Variants in NTMT1 observed in about 807,000 individuals in gnomAD.
NTMT1 encodes the protein N-terminal RCC1 methyltransferase.
Under a neutral mutation model 17.5 loss-of-function variants are expected in NTMT1, and 8 were observed. That is an observed-to-expected ratio of 0.46 (90% CI 0.27 to 0.82). The LOEUF is 0.82. Among genes scored for constraint, NTMT1 ranks in the 40% least tolerant of loss-of-function variants. The pLI is 0.15. For missense variants in NTMT1, 221 were observed against 303.5 expected (o/e 0.73, Z 2.02); for synonymous variants, 128 against 126.8 (o/e 1.01, Z -0.06).
Position 129,632,634 on chromosome 9 carries a change from C to T in NTMT1, c.-54-16C>T. The T allele has an allele frequency of 1.3e-6, 2 of 1,586,180 alleles. No homozygotes were observed. Among genetic ancestry groups the T allele is most frequent in the Non-Finnish European group, 1.7e-6 (2 of 1,160,708 alleles). On this transcript the variant is annotated splice_polypyrimidine_tract_variant and intron_variant, in intron 1 of 3. Transcript: ENST00000372483. ...AGGTCCCTGGCCCGCTGACTCACGC[C>T]CCCTTCCTTACCCAGGAGAGTCGCG...
intron 1 of NTMT1, among the ~76,000 whole-genome samples, chr9:129,611,307 G>A (rs1290133540): frequency 1.3e-5 from 2 of 152,224 alleles, no homozygotes; most frequent in Admixed American, 6.5e-5. Context: ...ACAGCTTCAG[G>A]GAAAGAGGCG....
intron 3 of NTMT1, 74 bp from the exon 4 acceptor site, chr9:129,635,134 T>G: frequency 6.5e-7 from 1 of 1,536,522 alleles, no homozygotes; most frequent in Non-Finnish European, 8.8e-7. Context: ...TCAGCGGGGC[T>G]GAGAAGTACA....
At chr9:129,618,478 C>G (rs1201781537) in intron 1 of NTMT1, among the ~76,000 whole-genome samples, 1 of 152,002 alleles carries the variant, frequency 6.6e-6, no homozygotes, top group Non-Finnish European at 1.5e-5. Flanking sequence ...CTGAATAGAA[C>G]TGAACTATGA....
intron 1 of NTMT1, chr9:129,615,693 C>A: frequency 1.3e-6 from 2 of 1,486,566 alleles, no homozygotes; most frequent in South Asian, 2.7e-5. Context: ...CCCACCGTAC[C>A]CCAGCACACA....
intron 1 of NTMT1, chr9:129,615,538 C>T (rs779932522): frequency 5.6e-6 from 9 of 1,610,540 alleles, no homozygotes; most frequent in African/African-American, 1.3e-5. Flanking sequence ...GTCTCGTCAG[C>T]GAATCGCACC....
intron 1 of NTMT1, among the ~76,000 whole-genome samples, chr9:129,631,167 G>A (rs1022964537): frequency 9.9e-5 from 15 of 152,224 alleles, no homozygotes; most frequent in Non-Finnish European, 2.1e-4. Context: ...TCCTCCAGGC[G>A]GCTGCCCCTA....
At chr9:129,612,425 C>T in intron 1 of NTMT1, 2 of 1,612,682 alleles carry the variant, frequency 1.2e-6, no homozygotes, top group Non-Finnish European at 1.7e-6. Context: ...TCAGGACCGA[C>T]TGCAGCACCC....
In NTMT1 at chr9:129,620,538, G is replaced by T; in HGVS notation, c.-55+11360G>T. 1 of 1,428,784 alleles carries T rather than the reference G, an allele frequency of 7.0e-7. No individual in the cohort carries two copies. 88.5% of individuals were successfully genotyped at this position (1,428,784 alleles called of 1,614,324 possible). Reference sequence around the variant, plus strand: ...TCGCCAGGGAGCCCCTTGGGCGCCAGGTCCTGGGCCCCTGGGCGAAGTCGA... The same window carrying T: ...TCGCCAGGGAGCCCCTTGGGCGCCATGTCCTGGGCCCCTGGGCGAAGTCGA... On this transcript the variant is annotated intron_variant, in intron 1 of 3. Coordinates refer to the NTMT1 transcript ENST00000372486. This position sits in a 1 kb window ranked among gnomAD's most constrained non-coding sequence, Gnocchi z 5.8.
At position 129,634,143 on chromosome 9, in the gene NTMT1, C is replaced by G. The variant is rs770604040; in HGVS notation, c.252C>G (p.Phe84Leu). ...RITKRLLLPLFREVDMVDITE... is the reference protein window; with the variant it reads ...RITKRLLLPLLREVDMVDITE... Reference sequence around the variant, plus strand: ...CCAAGCGGCTGCTCCTGCCGCTGTTCAGAGAGGTGGATATGGTCGACATAA... The same window carrying G: ...CCAAGCGGCTGCTCCTGCCGCTGTTGAGAGAGGTGGATATGGTCGACATAA... The change falls in exon 3 of 4, where the codon TTC (phenylalanine) becomes TTG (leucine). Residue 84 changes from phenylalanine to leucine, a missense_variant. By Grantham distance (22) the Phe-to-Leu change is conservative. Coordinates refer to ENST00000372483, the MANE Select transcript of NTMT1 (RefSeq NM_014064.4). 2.5e-6 allele frequency: 4 copies of G among 1,614,138 alleles called. No individual in the cohort carries two copies. The highest frequency in any genetic ancestry group is 3.4e-6 in the Non-Finnish European group (4 of 1,180,014).
chr9:129,613,909 C>A lies in NTMT1; in HGVS notation c.-55+4731C>A, dbSNP rs573654878. Among the ~76,000 whole-genome samples, 32 of 152,304 alleles carry A rather than the reference C, an allele frequency of 2.1e-4. No homozygotes were observed. The South Asian group carries it at 6.6e-3, about 32-fold the overall frequency. ...GAAATCCCAGAAACCATGCTGAGAG[C>A]GTTGAGGGCTTCAGGGAGGGCTGTC... On this transcript the variant is annotated intron_variant, in intron 1 of 3. Coordinates refer to the NTMT1 transcript ENST00000372486. This position sits in a 1 kb window ranked among gnomAD's most constrained non-coding sequence, Gnocchi z 6.2.
rs117130395 is a variant in NTMT1 at position 129,609,760 on chromosome 9, G to C, written c.-55+582G>C. 8.3e-4 allele frequency among the ~76,000 whole-genome samples: 126 copies of C among 152,226 alleles called. 3 individuals carry two copies. In the East Asian group the frequency reaches 0.016, roughly 20 times the overall value. On this transcript the variant is annotated intron_variant, in intron 1 of 3. Transcript: ENST00000372486. ...TCCTCATCCCCTGTTCATGGTGGGGGACATGCTGGTGGACAGACAAGTGGC... is the reference window on the plus strand; with the variant it reads ...TCCTCATCCCCTGTTCATGGTGGGGCACATGCTGGTGGACAGACAAGTGGC...
chr9:129,617,142 A>G (rs1265212885), intron 1 of NTMT1, among the ~76,000 whole-genome samples: 1 of 152,208 alleles, frequency 6.6e-6, no homozygotes, highest in Non-Finnish European at 1.5e-5. Flanking sequence ...TAACTCTGTT[A>G]TGGAGGAAGG....
At position 129,620,077 on chromosome 9, in the gene NTMT1, C is replaced by T. The variant is rs1041034371; in HGVS notation, c.-55+10899C>T. 4.1e-6 allele frequency: 6 copies of T among 1,450,762 alleles called. No homozygotes were observed. Among genetic ancestry groups the T allele is most frequent in the Middle Eastern group, 1.8e-4 (1 of 5,434 alleles). 89.9% of individuals were successfully genotyped at this position (1,450,762 alleles called of 1,614,324 possible). On this transcript the variant is annotated intron_variant, in intron 1 of 3. Coordinates refer to the NTMT1 transcript ENST00000372486. The surrounding 1 kb of genome is among the most constrained non-coding windows in gnomAD (Gnocchi z 5.8). ...CCCGCGGGGCCTCACTCAGTGGCTC[C>T]GGCTCCTCGGCGCACTTCTCCTGGA...
At chr9:129,633,997 G>A (rs952235355) in intron 2 of NTMT1, 57 bp from the exon 3 acceptor site, 139 of 1,560,662 alleles carry the variant, frequency 8.9e-5, no homozygotes, top group Non-Finnish European at 1.1e-4. Context: ...TCGTGAGGAA[G>A]GGCCGCACGT....
chr9:129,628,112 C>G (rs1431856430), intron 1 of NTMT1, among the ~76,000 whole-genome samples: 1 of 152,216 alleles, frequency 6.6e-6, no homozygotes, highest in African/African-American at 2.4e-5. Flanking sequence ...TCCTGGCCCC[C>G]TCCCAGGCCC....
intron 2 of NTMT1, 153 bp downstream of exon 2, chr9:129,633,018 G>T: frequency 1.3e-6 from 1 of 762,102 alleles, no homozygotes. Context: ...TGGGCTGGGT[G>T]GGCACAGTGG....
At position 129,620,546 on chromosome 9, in the gene NTMT1, GCCCC is replaced by G; in HGVS notation, c.-55+11369_-55+11372del. ...GAGCCCCTTGGGCGCCAGGTCCTGGGCCCCTGGGCGAAGTCGACGCCAGAACATG... is the reference window on the plus strand; with the variant it reads ...GAGCCCCTTGGGCGCCAGGTCCTGGGTGGGCGAAGTCGACGCCAGAACATG... On this transcript the variant is annotated intron_variant, in intron 1 of 3. Coordinates refer to the NTMT1 transcript ENST00000372486. This position sits in a 1 kb window ranked among gnomAD's most constrained non-coding sequence, Gnocchi z 5.8. 2 of 1,403,044 alleles carry G rather than the reference GCCCC, an allele frequency of 1.4e-6. No individual in the cohort carries two copies. Among genetic ancestry groups the G allele is most frequent in the Non-Finnish European group, 1.9e-6 (2 of 1,075,554 alleles). The allele number at this position is 1,403,044 out of a possible 1,614,324, so 86.9% of individuals were successfully genotyped here. A position where few individuals can be genotyped will look rare whatever the true frequency, so the allele number is the denominator to read the frequency against.
chr9:129,618,779 G>A (rs900636299), intron 1 of NTMT1, among the ~76,000 whole-genome samples: 1 of 151,854 alleles, frequency 6.6e-6, no homozygotes, highest in African/African-American at 2.4e-5. Context: ...TGCAAGCTCC[G>A]CCTCCCGGGT....
chr9:129,625,688 A>T (rs1830862046), upstream of NTMT1, among the ~76,000 whole-genome samples: 1 of 151,140 alleles, frequency 6.6e-6, no homozygotes, highest in Non-Finnish European at 1.5e-5. Context: ...CAACAGGGTG[A>T]GACCCCGTCT....
Sources: gnomAD v4.1 joint callset for allele counts (sites outside exome capture counted in the v4.1 genomes callset) on GRCh38, gnomAD v4.1.1 for gene constraint, Gnocchi (gnomAD v3.1) non-coding constraint, MANE v1.5 for transcripts, NCBI Gene and HGNC (gene_info 2026-07-23, HGNC 2026-07-21) for gene names.